The following SCUBE2 variants were observed in gnomAD, a reference collection of about 807,000 sequenced individuals.
SCUBE2 encodes signal peptide, CUB and EGF-like domain-containing protein 2.
Under a neutral mutation model 125.9 loss-of-function variants are expected in SCUBE2, and 114 were observed. The ratio of observed to expected loss-of-function variants is 0.91; its 90% CI spans 0.78 to 1.06. The LOEUF (loss-of-function observed/expected upper bound fraction) is 1.06, where lower values mean the gene tolerates loss of function less well. Ranked by LOEUF, SCUBE2 falls within the 50% of genes least tolerant of loss-of-function variation. The pLI is 0.00. For missense variants in SCUBE2, 1,255 were observed against 1,301.8 expected, an observed-to-expected ratio of 0.96 and a Z score of 0.55; for synonymous variants, 459 against 492.9, an observed-to-expected ratio of 0.93 and a Z score of 0.91.
At chr11:9,053,809 TGACATGGTCCC>T in intron 10 of SCUBE2, 50 bp from the exon 11 acceptor site, 1 of 1,590,534 alleles carries the variant, frequency 6.3e-7, no homozygotes, top group African/African-American at 1.3e-5. Flanking sequence ...CTGAATGGGC[TGACATGGTCCC>T]TCCCTTGAGG....
At chr11:9,038,668 G>T (rs1220665994) in intron 16 of SCUBE2, among the ~76,000 whole-genome samples, 1 of 152,028 alleles carries the variant, frequency 6.6e-6, no homozygotes, top group Non-Finnish European at 1.5e-5. Context: ...ACAGGAAATA[G>T]CCTTGCAATG....
At chr11:9,069,579 G>A in intron 4 of SCUBE2, 84 bp from the exon 5 acceptor site, 2 of 1,567,652 alleles carry the variant, frequency 1.3e-6, no homozygotes, top group Non-Finnish European at 8.7e-7. Flanking sequence ...CTAAGGGGTG[G>A]CCCACAGATC....
intron 16 of SCUBE2, among the ~76,000 whole-genome samples, chr11:9,038,314 G>C (rs1287454611): frequency 6.6e-6 from 1 of 152,162 alleles, no homozygotes; most frequent in Non-Finnish European, 1.5e-5. Context: ...CTGTGGCCAA[G>C]AAAGGCCTTT....
Position 9,089,684 on chromosome 11 carries a change from C to G in SCUBE2, c.256+23G>C, listed in dbSNP as rs201065026. On this transcript the variant is annotated intron_variant, in intron 2 of 22. Transcript: ENST00000649792. ...GGTAGGAGCTTCCCTACAGTCCCCCCACATGGTCCCCAAGGCACTTACCCT... is the reference window on the plus strand; with the variant it reads ...GGTAGGAGCTTCCCTACAGTCCCCCGACATGGTCCCCAAGGCACTTACCCT... 2.9e-5 allele frequency: 46 copies of G among 1,611,304 alleles called. No individual in the cohort carries two copies. In the African/African-American group the frequency reaches 3.5e-4, roughly 12 times the overall value.
In SCUBE2 at chr11:9,052,766, G is replaced by A. The variant is rs1324103256; in HGVS notation, c.1514C>T (p.Ser505Leu). 1 of 1,536,980 alleles carries A rather than the reference G, an allele frequency of 6.5e-7. No homozygotes were observed. The highest frequency in any genetic ancestry group is 2.4e-5 in the East Asian group (1 of 40,920). The change falls in exon 13 of 23, where the codon TCA becomes TTA. Residue 505 changes from serine (S) to leucine (L), a missense_variant. By Grantham distance (145) the Ser-to-Leu change is moderately radical (BLOSUM62 -2). Around this residue, in one of 3 missense-constraint regions of SCUBE2, gnomAD observed 378 missense variants for 463.1 expected, o/e 0.82. Coordinates refer to ENST00000649792, the MANE Select transcript of SCUBE2 (RefSeq NM_001367977.2). ...ATTACCCCCAAAAGCAGAGTCATTT[G>A]ATTTTTGTTGTTTGTTCCTGAGAGG... ...SSPLRNKQQKSNDSAFGDVTT... is the reference protein window; with the variant it reads ...SSPLRNKQQKLNDSAFGDVTT...
At chr11:9,061,863 G>C (rs1859718621) in intron 7 of SCUBE2, among the ~76,000 whole-genome samples, 1 of 152,204 alleles carries the variant, frequency 6.6e-6, no homozygotes, top group Admixed American at 6.5e-5. Context: ...GTAAACTCCT[G>C]TGAGCCCCAG....
In SCUBE2 at chr11:9,047,498, C is replaced by T. The variant is rs760587325; in HGVS notation, c.1860G>A (p.Thr620=). The change falls in exon 16 of 23, where the codon ACG becomes ACA. Residue 620 remains threonine (T), a synonymous_variant. Coordinates refer to ENST00000649792, the MANE Select transcript of SCUBE2 (RefSeq NM_001367977.2). ...TEKRLRKAIR[T]LRKAVHREQF... is the part of the protein sequence containing the mutation. ...GCTCCCTGTGGACGGCCTTTCTGAG[C>T]GTGCGGATGGCTTTACGGAGCCGCT... 9.9e-6 allele frequency: 16 copies of T among 1,613,480 alleles called. No individual in the cohort carries two copies. Among genetic ancestry groups the T allele is most frequent in the East Asian group, 4.5e-5 (2 of 44,840 alleles).
In SCUBE2 at chr11:9,053,673, C is replaced by A. The variant is rs145115352; in HGVS notation, c.1294G>T (p.Gly432Trp). 3 of 1,614,060 alleles carry A rather than the reference C, an allele frequency of 1.9e-6. No individual in the cohort carries two copies. The highest frequency in any genetic ancestry group is 2.5e-6 in the Non-Finnish European group (3 of 1,180,018). The change falls in exon 11 of 23, where the codon GGG (glycine) becomes TGG (tryptophan). Residue 432 changes from glycine to tryptophan, a missense_variant. Gly to Trp is a radical substitution (Grantham distance 184, BLOSUM62 -2). Transcript: ENST00000649792. ...VGSYECQCHP[G>W]YKLHWNKKDC... is the part of the protein sequence containing the mutation. The stretch of plus-strand genomic sequence containing the variant: ...TTTTTATTCCAGTGGAGCTTGTACC[C>A]AGGGTGGCACTGGCATTCATAGCTG...
Position 9,075,321 on chromosome 11 carries a change from C to T in SCUBE2, c.383-706G>A, listed in dbSNP as rs78449987. Among the ~76,000 whole-genome samples, 203 of 151,892 alleles carry T rather than the reference C, an allele frequency of 1.3e-3. 1 individual carries two copies. Among genetic ancestry groups the T allele is most frequent in the African/African-American group, 4.1e-3 (168 of 41,378 alleles). On this transcript the variant is annotated intron_variant, in intron 3 of 22. Coordinates refer to ENST00000649792, the MANE Select transcript of SCUBE2 (RefSeq NM_001367977.2). ...AAGGTGGTACCAAGGAAAGAAATCA[C>T]ATCTGGTCATGGGGTATCGGGATGA...
rs747925350 is a variant in SCUBE2, at chr11:9,089,701, A to G, written c.256+6T>C. 1.2e-6 allele frequency: 2 copies of G among 1,613,196 alleles called. No individual in the cohort carries two copies. The highest frequency in any genetic ancestry group is 2.2e-5 in the South Asian group (2 of 90,948). ...AGTCCCCCCACATGGTCCCCAAGGC[A>G]CTTACCCTCACACTGCCTGCCTTCC... is the stretch of plus-strand genomic sequence containing the variant. On this transcript the variant is annotated splice_donor_region_variant and intron_variant, in intron 2 of 22. Transcript: ENST00000649792.
chr11:9,044,659 C>G (rs1247787180), intron 16 of SCUBE2, among the ~76,000 whole-genome samples: 1 of 152,228 alleles, frequency 6.6e-6, no homozygotes, highest in Admixed American at 6.5e-5. Context: ...GGCTTCCTTT[C>G]TCATCAGATT....
In SCUBE2 at chr11:9,079,428, C is replaced by G; in HGVS notation, c.338G>C (p.Cys113Ser). The G allele has an allele frequency of 6.2e-7, 1 of 1,614,056 alleles. No individual in the cohort carries two copies. The highest frequency in any genetic ancestry group is 2.2e-5 in the East Asian group (1 of 44,888). The change falls in exon 3 of 23, where the codon TGT (cysteine) becomes TCT (serine). Residue 113 changes from cysteine (C) to serine (S), a missense_variant. Around this residue, in one of 3 missense-constraint regions of SCUBE2, gnomAD observed 362 missense variants for 323.0 expected, o/e 1.12. Coordinates refer to ENST00000649792, the MANE Select transcript of SCUBE2 (RefSeq NM_001367977.2). Reference protein sequence around the residue: ...LNIPGNYRCTCFDGFMLAHDG... With the variant: ...LNIPGNYRCTSFDGFMLAHDG... ...ATGAGCCAACATGAAGCCATCAAAA[C>G]AAGTGCAACGATAATTGCCTGGAAT...
intron 3 of SCUBE2, among the ~76,000 whole-genome samples, chr11:9,074,911 A>C (rs530532665): frequency 3.0e-4 from 45 of 152,326 alleles, no homozygotes; most frequent in African/African-American, 1.0e-3. Flanking sequence ...AATATAGATA[A>C]GGAAGATAAA....
intron 2 of SCUBE2, among the ~76,000 whole-genome samples, chr11:9,083,198 G>A (rs1490258102): frequency 6.6e-6 from 1 of 151,684 alleles, no homozygotes; most frequent in Admixed American, 6.6e-5. Flanking sequence ...GGGGATGGAA[G>A]TGAATAAAAG....
chr11:9,030,030 C>T lies in SCUBE2; in HGVS notation c.2357G>A (p.Gly786Glu). The part of the protein sequence containing the change: ...DCETRVQCSP[G>E]HFYNTTTHRC... ...GTGAGTGGTGGTGTTGTAGAAATGT[C>T]CAGGTGAACATTGAACTGTGGGTCA... Residue 786 changes from glycine to glutamate, a missense_variant, in exon 19 of 23, where the codon GGA (glycine) becomes GAA (glutamate). Coordinates refer to ENST00000649792, the MANE Select transcript of SCUBE2 (RefSeq NM_001367977.2). 1 of 1,613,972 alleles carries T rather than the reference C, an allele frequency of 6.2e-7. No individual in the cohort carries two copies.
At position 9,020,698 on chromosome 11, in the gene SCUBE2, C is replaced by T. The variant is rs1245657677; in HGVS notation, c.*347G>A. 1 of 170,334 alleles carries T rather than the reference C, an allele frequency of 5.9e-6. No individual in the cohort carries two copies. The highest frequency in any genetic ancestry group is 6.3e-5 in the Admixed American group (1 of 15,774). The allele number at this position is 170,334 out of a possible 1,614,324, so 10.6% of individuals were successfully genotyped here. The stretch of plus-strand genomic sequence containing the variant: ...GCAGCTTATTCTGTGGCCTCCTTTC[C>T]ACTACAGACTCCTTGAGGAGGAGTA... On this transcript the variant is annotated 3_prime_UTR_variant, in exon 23 of 23. Coordinates refer to ENST00000649792, the MANE Select transcript of SCUBE2 (RefSeq NM_001367977.2).
intron 1 of SCUBE2, chr11:9,090,310 A>G (rs1281041562): frequency 1.3e-5 from 2 of 154,356 alleles, no homozygotes; most frequent in East Asian, 3.9e-4. Flanking sequence ...AAAGGACCAA[A>G]CGGACAGACA....
rs1729457424 is a variant in SCUBE2, at chr11:9,066,565, G to C, written c.760+132C>G. 12 of 727,046 alleles carry C rather than the reference G, an allele frequency of 1.7e-5. No homozygotes were observed. The East Asian group carries it at 3.1e-4, about 19-fold the overall frequency. The allele number at this position is 727,046 out of a possible 1,614,324, so 45.0% of individuals were successfully genotyped here. On this transcript the variant is annotated intron_variant, in intron 6 of 22. Coordinates refer to ENST00000649792, the MANE Select transcript of SCUBE2 (RefSeq NM_001367977.2). ...GACCACTCCCACTGTAGCATGCGAA[G>C]CAGCACAGGGCCTGCTGGGGGGGCA...
intron 16 of SCUBE2, among the ~76,000 whole-genome samples, chr11:9,040,129 C>T (rs1196821910): frequency 6.6e-6 from 1 of 152,286 alleles, no homozygotes; most frequent in African/African-American, 2.4e-5. Flanking sequence ...CACAGTGGAG[C>T]GGAGGTTTCC....
Sources: allele counts gnomAD v4.1 joint callset (sites outside exome capture counted in the v4.1 genomes callset), GRCh38; gene constraint gnomAD v4.1.1; regional missense constraint gnomAD v4.1.1; transcripts MANE v1.5; gene names NCBI Gene and HGNC (gene_info 2026-07-23, HGNC 2026-07-21).